Variants in MAPK10 observed in about 807,000 individuals in gnomAD.
MAPK10 encodes the protein mitogen-activated protein kinase 10, also known as JNK3 alpha protein kinase.
A neutral mutation model predicts 59.3 loss-of-function variants in MAPK10; 25 were observed. That is an observed-to-expected ratio of 0.42 (90% CI 0.31 to 0.59). The LOEUF (loss-of-function observed/expected upper bound fraction) is 0.59, where lower values mean the gene tolerates loss of function less well. MAPK10 is among the 20% of genes least tolerant of loss of function. The pLI, the probability that MAPK10 is intolerant of heterozygous loss-of-function variation, is 0.15. For missense variants in MAPK10, 351 were observed against 568.9 expected, an observed-to-expected ratio of 0.62 and a Z score of 3.90; for synonymous variants, 190 against 200.5, an observed-to-expected ratio of 0.95 and a Z score of 0.44.
At chr4:86,101,366 CAAATAAGTT>C in intron 7 of MAPK10, 149 bp from the exon 8 acceptor site, 1 of 536,152 alleles carries the variant, frequency 1.9e-6, no homozygotes, top group Admixed American at 3.1e-5. Flanking sequence ...ATTACTGCTA[CAAATAAGTT>C]AACTATTAGT....
At chr4:86,351,676 T>G (rs1485071586) in intron 2 of MAPK10, among the ~76,000 whole-genome samples, 1 of 150,710 alleles carries the variant, frequency 6.6e-6, no homozygotes, top group Non-Finnish European at 1.5e-5. Flanking sequence ...AATTCTGGAG[T>G]CAGAAAGACT....
chr4:86,229,412 TG>T (rs1216411766), intron 2 of MAPK10, among the ~76,000 whole-genome samples: 1 of 152,144 alleles, frequency 6.6e-6, no homozygotes, highest in Non-Finnish European at 1.5e-5. Context: ...TGCCTACACC[TG>T]AAAAAGGAAT....
chr4:86,532,896 A>C lies in MAPK10; in HGVS notation c.-263+61014T>G, dbSNP rs372350389. On this transcript the variant is annotated intron_variant, in intron 1 of 4. Transcript: ENST00000502302. ...TGCCTGGTCCACAATCTCCAGCTCT[A>C]CCTCTAGCAGTTAAGGGATTGGGGC... 6.4e-4 allele frequency among the ~76,000 whole-genome samples: 97 copies of C among 152,128 alleles called. 1 individual carries two copies. Among genetic ancestry groups the C allele is most frequent in the African/African-American group, 2.1e-3 (86 of 41,514 alleles).
chr4:86,528,595 T>C (rs992119702), intron 1 of MAPK10, among the ~76,000 whole-genome samples: 2 of 152,190 alleles, frequency 1.3e-5, no homozygotes, highest in African/African-American at 4.8e-5. Flanking sequence ...GCTACAGCTA[T>C]TCACAGGAGT....
intron 1 of MAPK10, among the ~76,000 whole-genome samples, chr4:86,451,826 G>A (rs2149055558): frequency 6.6e-6 from 1 of 152,230 alleles, no homozygotes; most frequent in South Asian, 2.1e-4. Flanking sequence ...TTTAGATCTC[G>A]AGTCCAAAGC....
At chr4:86,546,963 G>A (rs1489119950) in intron 1 of MAPK10, among the ~76,000 whole-genome samples, 3 of 152,110 alleles carry the variant, frequency 2.0e-5, no homozygotes, top group Admixed American at 6.5e-5. Flanking sequence ...GGCTGAGGCA[G>A]GAGAACCGTG....
intron 3 of MAPK10, among the ~76,000 whole-genome samples, chr4:86,187,021 GA>G (rs1158641369): frequency 1.3e-5 from 2 of 151,544 alleles, no homozygotes; most frequent in Admixed American, 6.6e-5. Flanking sequence ...TTAGGCATCA[GA>G]AAAAAAACTG....
At chr4:86,227,163 A>G (rs1021415357) in intron 2 of MAPK10, among the ~76,000 whole-genome samples, 2 of 152,156 alleles carry the variant, frequency 1.3e-5, no homozygotes, top group Non-Finnish European at 2.9e-5. Flanking sequence ...AAAAGTGTAA[A>G]TATCTACTTT....
intron 2 of MAPK10, among the ~76,000 whole-genome samples, chr4:86,228,263 G>T (rs1322160419): frequency 1.3e-5 from 2 of 152,146 alleles, no homozygotes; most frequent in African/African-American, 4.8e-5. Flanking sequence ...TGTTTGGCTT[G>T]TGTGTATATG....
chr4:86,528,688 A>G (rs1277026672), intron 1 of MAPK10, among the ~76,000 whole-genome samples: 1 of 152,174 alleles, frequency 6.6e-6, no homozygotes, highest in African/African-American at 2.4e-5. Context: ...GCCTAGAGGC[A>G]TGTACCACCA....
chr4:86,297,749 T>TGAC (rs55841381), intron 2 of MAPK10, among the ~76,000 whole-genome samples: 2 of 151,402 alleles, frequency 1.3e-5, no homozygotes, highest in Non-Finnish European at 1.5e-5. Flanking sequence ...TCTCTACTCT[T>TGAC]TACTCTAATT....
Position 86,372,567 on chromosome 4 carries a change from A to AGAAAGAAAGAAAGAAAG in MAPK10, c.-121-17924_-121-17923insCTTTCTTTCTTTCTTTC, listed in dbSNP as rs1554253760. Among the ~76,000 whole-genome samples, 945 of 132,852 alleles carry AGAAAGAAAGAAAGAAAG rather than the reference A, an allele frequency of 7.1e-3. 22 individuals are homozygous for AGAAAGAAAGAAAGAAAG. Among genetic ancestry groups the AGAAAGAAAGAAAGAAAG allele is most frequent in the East Asian group, 0.011 (50 of 4,410 alleles). 87.2% of individuals were successfully genotyped at this position (132,852 alleles called of 152,430 possible). A position where few individuals can be genotyped will look rare whatever the true frequency, so the allele number is the denominator to read the frequency against. On this transcript the variant is annotated intron_variant, in intron 1 of 13. Transcript: ENST00000361569. ...AAGAAAGAAAGAAAGAAAGAAAGAA[A>AGAAAGAAAGAAAGAAAG]GAAAAGAAAAGAAAAGAAAAGAAAA...
At chr4:86,350,071 C>T (rs915319328) in intron 2 of MAPK10, among the ~76,000 whole-genome samples, 1 of 151,940 alleles carries the variant, frequency 6.6e-6, no homozygotes, top group African/African-American at 2.4e-5. Flanking sequence ...TGTGTGTGTG[C>T]GAGACAGTCT....
At chr4:86,355,769 G>A (rs1473382897) in intron 1 of MAPK10, among the ~76,000 whole-genome samples, 1 of 152,168 alleles carries the variant, frequency 6.6e-6, no homozygotes, top group Admixed American at 6.6e-5. Context: ...TATAAATGCT[G>A]TGCTGGAGCT....
intron 1 of MAPK10, among the ~76,000 whole-genome samples, chr4:86,560,501 C>T (rs751554926): frequency 2.0e-5 from 3 of 152,228 alleles, no homozygotes; most frequent in African/African-American, 4.8e-5. Context: ...ACTCCTTTGT[C>T]ACATACTCCC....
At chr4:86,341,407 C>G (rs181284787) in intron 2 of MAPK10, among the ~76,000 whole-genome samples, 1 of 152,094 alleles carries the variant, frequency 6.6e-6, no homozygotes, top group Non-Finnish European at 1.5e-5. Flanking sequence ...AAAACAGAAA[C>G]ATACTGATAT....
chr4:86,578,825 T>G (rs1762072419), intron 1 of MAPK10, among the ~76,000 whole-genome samples: 1 of 151,566 alleles, frequency 6.6e-6, no homozygotes, highest in Admixed American at 6.6e-5. Flanking sequence ...TTCCAACTTG[T>G]GACATAATGA....
chr4:86,175,783 G>A (rs970717660), intron 3 of MAPK10, among the ~76,000 whole-genome samples: 1 of 152,126 alleles, frequency 6.6e-6, no homozygotes, highest in African/African-American at 2.4e-5. Context: ...TTAAAGCAAT[G>A]CAAGAACAGA....
At chr4:86,040,377 ATAG>A (rs563254879) in intron 11 of MAPK10, among the ~76,000 whole-genome samples, 1 of 152,166 alleles carries the variant, frequency 6.6e-6, no homozygotes, top group South Asian at 2.1e-4. Flanking sequence ...GAAAAATGCA[ATAG>A]TAGGATTGAT....
Sources: allele counts gnomAD v4.1 joint callset (sites outside exome capture counted in the v4.1 genomes callset), GRCh38; gene constraint gnomAD v4.1.1; transcripts MANE v1.5; gene names NCBI Gene and HGNC (gene_info 2026-07-23, HGNC 2026-07-21).